The following ITGB4 variants were observed in gnomAD, a reference collection of about 807,000 sequenced individuals.
ITGB4 encodes the protein integrin subunit beta 4.
A neutral mutation model predicts 207.6 loss-of-function variants in ITGB4; 159 were observed. The observed-to-expected ratio is 0.77, with a 90% CI of 0.67 to 0.87. The LOEUF (loss-of-function observed/expected upper bound fraction) is 0.87. Among genes scored for constraint, ITGB4 ranks in the 40% least tolerant of loss-of-function variants. The pLI, the probability that ITGB4 is intolerant of heterozygous loss-of-function variation, is 0.00. For missense variants in ITGB4, 2,278 were observed against 2,546.8 expected (o/e 0.89, Z 2.27); for synonymous variants, 1,020 against 1,062.7 (o/e 0.96, Z 0.78).
Position 75,729,234 on chromosome 17 carries a change from G to C in ITGB4, c.567-31G>C. ...GGGGTCTGCGGCGTCTTCCCCCTGT[G>C]ACACTCTCTCTCCCTCCCACCTCTG... On this transcript the variant is annotated intron_variant, in intron 6 of 39. Transcript: ENST00000200181. This position sits in a 1 kb window ranked among gnomAD's most constrained non-coding sequence, Gnocchi z 4.4. 1 of 1,608,718 alleles carries C rather than the reference G, an allele frequency of 6.2e-7. No homozygotes were observed. Among genetic ancestry groups the C allele is most frequent in the Non-Finnish European group, 8.5e-7 (1 of 1,175,934 alleles).
At position 75,737,336 on chromosome 17, in the gene ITGB4, G is replaced by C; in HGVS notation, c.2005G>C (p.Val669Leu). 1 of 1,592,658 alleles carries C rather than the reference G, an allele frequency of 6.3e-7. No individual in the cohort carries two copies. ...TGTGGGTACAGCCGAGGAGGTGGTG[G>C]TGCGCTGCTCCTTCCGGGACGAGGA... ...DELKRAEEVV[V>L]RCSFRDEDDD... Residue 669 changes from valine to leucine, a missense_variant, in exon 17 of 40, where the codon GTG becomes CTG. Coordinates refer to ENST00000200181, the MANE Select transcript of ITGB4 (RefSeq NM_000213.5).
At chr17:75,754,035 G>A in intron 33 of ITGB4, 61 bp downstream of exon 33, 1 of 796,190 alleles carries the variant, frequency 1.3e-6, no homozygotes, top group Non-Finnish European at 1.7e-6. Context: ...GCGCCTGAGG[G>A]CCTGGGGTGG....
At chr17:75,730,648 T>G in intron 8 of ITGB4, 144 bp downstream of exon 8, 1 of 1,069,416 alleles carries the variant, frequency 9.4e-7, no homozygotes, top group Non-Finnish European at 1.3e-6. Context: ...CCTTCCTCCC[T>G]TCCCAAAGCC....
In ITGB4 at chr17:75,732,179, C is replaced by T. The variant is rs144917456; in HGVS notation, c.1394C>T (p.Ser465Leu). The change falls in exon 12 of 40, where the codon TCA (serine) becomes TTA (leucine). Residue 465 changes from serine (S) to leucine (L), a missense_variant. By Grantham distance (145) the Ser-to-Leu change is moderately radical. Transcript: ENST00000200181. This position sits in a 1 kb window ranked among gnomAD's most constrained non-coding sequence, Gnocchi z 5.3. ...TCATTCCAGCAAAAAGAGGTGCGGT[C>T]AGCTCGCTGCAGCTTCAACGGAGAC... Reference protein sequence around the residue: ...CTCELQKEVRSARCSFNGDFV... With the variant: ...CTCELQKEVRLARCSFNGDFV... 13 of 1,613,998 alleles carry T rather than the reference C, an allele frequency of 8.1e-6. No individual in the cohort carries two copies. The African/African-American group carries it at 1.7e-4, about 22-fold the overall frequency.
At chr17:75,724,806 C>G (rs1434113014) in intron 2 of ITGB4, 24 bp downstream of exon 2, 2 of 1,596,826 alleles carry the variant, frequency 1.3e-6, no homozygotes, top group Admixed American at 3.3e-5. Context: ...GCCCTGCAGC[C>G]CCCTCCTGGC....
At chr17:75,728,986 CAAAAAAA>C (rs933959785) in intron 6 of ITGB4, among the ~76,000 whole-genome samples, 51 of 45,214 alleles carry the variant, frequency 1.1e-3, no homozygotes, top group Non-Finnish European at 5.4e-4. Flanking sequence ...TCTGTCTCAA[CAAAAAAA>C]AAAAAAAAAA....
rs559353223 is a variant in ITGB4 at position 75,756,287 on chromosome 17, A to C, written c.4709-142A>C. On this transcript the variant is annotated intron_variant, in intron 35 of 39. Transcript: ENST00000200181. ...CAATCTGAACAACCAGCCATACCAT[A>C]CTGTACCCAACCTGTACCCAAACCA... 7.3e-6 allele frequency: 6 copies of C among 821,290 alleles called. No individual in the cohort carries two copies. The South Asian group carries it at 7.8e-5, about 11-fold the overall frequency. 50.9% of individuals were successfully genotyped at this position (821,290 alleles called of 1,614,324 possible). A position where few individuals can be genotyped will look rare whatever the true frequency, so the allele number is the denominator to read the frequency against.
intron 13 of ITGB4, among the ~76,000 whole-genome samples, chr17:75,734,125 C>CTTTTT: frequency 8.4e-6 from 1 of 118,394 alleles, no homozygotes; most frequent in African/African-American, 3.8e-5. Flanking sequence ...GTTGTTGCTG[C>CTTTTT]TGTTTTTTTT....
In ITGB4 at chr17:75,750,763, G is replaced by A. The variant is rs1444240385; in HGVS notation, c.3558G>A (p.Leu1186=). The A allele has an allele frequency of 1.2e-6, 2 of 1,613,564 alleles. No individual in the cohort carries two copies. Among genetic ancestry groups the A allele is most frequent in the Non-Finnish European group, 1.7e-6 (2 of 1,180,014 alleles). The change falls in exon 29 of 40, where the codon CTG becomes CTA. Residue 1186 remains leucine (L), a synonymous_variant. Transcript: ENST00000200181. This position sits in a 1 kb window ranked among gnomAD's most constrained non-coding sequence, Gnocchi z 5.5. The part of the protein sequence containing the change: ...SKVPSVELTN[L]YPYCDYEMKV... ...TGCCCTCAGTGGAGCTCACCAACCT[G>A]TACCCGTATTGCGACTATGAGATGA...
At position 75,727,584 on chromosome 17, in the gene ITGB4, CG is replaced by C; in HGVS notation, c.265-64del. On this transcript the variant is annotated intron_variant, in intron 4 of 39. Coordinates refer to ENST00000200181, the MANE Select transcript of ITGB4 (RefSeq NM_000213.5). The surrounding 1 kb of genome is among the most constrained non-coding windows in gnomAD (Gnocchi z 6.0). ...ATGGGGGTGTATAGTGCCCCTTGGC[CG>C]GGCTGGGCCCCCATCGGGCCTCCGG... 6.3e-7 allele frequency: 1 copy of C among 1,583,112 alleles called. No homozygotes were observed. Among genetic ancestry groups the C allele is most frequent in the Non-Finnish European group, 8.6e-7 (1 of 1,164,256 alleles).
intron 12 of ITGB4, among the ~76,000 whole-genome samples, chr17:75,733,203 A>G (rs1200036595): frequency 1.3e-5 from 2 of 152,124 alleles, no homozygotes; most frequent in East Asian, 3.9e-4. Flanking sequence ...CCTGGCTAAC[A>G]TGGTGAAACC....
In ITGB4 at chr17:75,731,882, A is replaced by G; in HGVS notation, c.1286A>G (p.Asp429Gly). The change falls in exon 11 of 40, where the codon GAC becomes GGC. Residue 429 changes from aspartate to glycine, a missense_variant. Coordinates refer to ENST00000200181, the MANE Select transcript of ITGB4 (RefSeq NM_000213.5). This position sits in a 1 kb window ranked among gnomAD's most constrained non-coding sequence, Gnocchi z 6.8. ...DGTHVCQLPE[D>G]QKGNIHLKPS... ...ACGCACGTGTGCCAGCTGCCGGAGG[A>G]CCAGAAGGGCAACATCCATCTGAAA... 1 of 1,613,924 alleles carries G rather than the reference A, an allele frequency of 6.2e-7. No individual in the cohort carries two copies. The highest frequency in any genetic ancestry group is 1.7e-4 in the Middle Eastern group (1 of 6,060).
intron 26 of ITGB4, among the ~76,000 whole-genome samples, chr17:75,747,551 CTTTATAGCGT>C (rs1338656693): frequency 6.6e-6 from 1 of 152,156 alleles, no homozygotes; most frequent in East Asian, 1.9e-4. Flanking sequence ...CAATAATGTC[CTTTATAGCGT>C]TTTTCCCCCC....
In ITGB4 at chr17:75,739,722, G is replaced by A. The variant is rs377696490; in HGVS notation, c.2254+17G>A. Reference sequence around the variant, plus strand: ...GCAACCGAGGTATGGGCCTGGCATCGCAGGGGCAGCAGGGGCTCTGACTGC... The same window carrying A: ...GCAACCGAGGTATGGGCCTGGCATCACAGGGGCAGCAGGGGCTCTGACTGC... On this transcript the variant is annotated intron_variant, in intron 19 of 39. Coordinates refer to ENST00000200181, the MANE Select transcript of ITGB4 (RefSeq NM_000213.5). The surrounding 1 kb of genome is among the most constrained non-coding windows in gnomAD (Gnocchi z 5.4). 28 of 1,613,974 alleles carry A rather than the reference G, an allele frequency of 1.7e-5. No homozygotes were observed. Among genetic ancestry groups the A allele is most frequent in the African/African-American group, 9.3e-5 (7 of 75,014 alleles).
rs2061342562 is a variant in ITGB4, at chr17:75,750,484, C to T, written c.3475-196C>T. 6.6e-6 allele frequency among the ~76,000 whole-genome samples: 1 copy of T among 152,262 alleles called. No individual in the cohort carries two copies. Among genetic ancestry groups the T allele is most frequent in the East Asian group, 1.9e-4 (1 of 5,174 alleles). On this transcript the variant is annotated intron_variant, in intron 28 of 39. Transcript: ENST00000200181. The surrounding 1 kb of genome is among the most constrained non-coding windows in gnomAD (Gnocchi z 5.5). ...TTTGCCCTCCTTCCTAGAATGGGGC[C>T]CCCTCCCACCCCCGCATGGGAGATA...
In ITGB4 at chr17:75,743,842, G is replaced by A; in HGVS notation, c.3092G>A (p.Gly1031Asp). The change falls in exon 26 of 40, where the codon GGC becomes GAC. Residue 1031 changes from glycine to aspartate, a missense_variant. Gly to Asp is a moderately conservative substitution (Grantham distance 94). Transcript: ENST00000200181. ...KSQVSYRTQD[G>D]TAQGNRDYIP... ...CAGGTCTCCTACCGCACACAGGATG[G>A]CACCGCGCAGGGCAACCGGGTGAGG... The A allele has an allele frequency of 6.3e-7, 1 of 1,598,318 alleles. No homozygotes were observed. Among genetic ancestry groups the A allele is most frequent in the Non-Finnish European group, 8.5e-7 (1 of 1,173,212 alleles).
In ITGB4 at chr17:75,754,576, A is replaced by G. The variant is rs1422415555; in HGVS notation, c.4319A>G (p.Glu1440Gly). The G allele has an allele frequency of 1.9e-6, 3 of 1,613,610 alleles. No homozygotes were observed. The South Asian group carries it at 3.3e-5, about 18-fold the overall frequency. The part of the protein sequence containing the change: ...PRSATPGPPG[E>G]HLVNGRMDFA... ...AAGGGACCCTGCTCTCCCCCTGCAGAGCACCTGGTGAATGGCCGGATGGAC... is the reference window on the plus strand; with the variant it reads ...AAGGGACCCTGCTCTCCCCCTGCAGGGCACCTGGTGAATGGCCGGATGGAC... The change falls in exon 34 of 40, where the codon GAG becomes GGG. Residue 1440 changes from glutamate to glycine, a missense_variant and splice_region_variant. Transcript: ENST00000200181.
chr17:75,756,430 T>C lies in ITGB4; in HGVS notation c.4710T>C (p.Gly1570=), dbSNP rs770320453. The C allele has an allele frequency of 5.0e-6, 8 of 1,612,928 alleles. No homozygotes were observed. Among genetic ancestry groups the C allele is most frequent in the Non-Finnish European group, 5.1e-6 (6 of 1,179,884 alleles). ...TGTGCCCCCACCTGATCCCCCCAGGTGAGCTGCATCGGCTCAACATCCCCA... is the reference window on the plus strand; with the variant it reads ...TGTGCCCCCACCTGATCCCCCCAGGCGAGCTGCATCGGCTCAACATCCCCA... ...YSVEYQLLNG[G]ELHRLNIPNP... The change falls in exon 36 of 40, where the codon GGT becomes GGC. Residue 1570 remains glycine, a splice_region_variant and synonymous_variant. Coordinates refer to ENST00000200181, the MANE Select transcript of ITGB4 (RefSeq NM_000213.5).
Position 75,731,375 on chromosome 17 carries a change from C to A in ITGB4, c.1215+7C>A. 6.2e-7 allele frequency: 1 copy of A among 1,609,294 alleles called. No homozygotes were observed. The highest frequency in any genetic ancestry group is 8.5e-7 in the Non-Finnish European group (1 of 1,177,416). ...CATCCGGCGGGGGGAAGTGGTACGC[C>A]TCTGTGGGGGCAGCGGGGTGGGGGA... On this transcript the variant is annotated splice_region_variant and intron_variant, in intron 10 of 39. Transcript: ENST00000200181. The surrounding 1 kb of genome is among the most constrained non-coding windows in gnomAD (Gnocchi z 6.8).
Sources: gnomAD v4.1 joint callset for allele counts (sites outside exome capture counted in the v4.1 genomes callset) on GRCh38, gnomAD v4.1.1 for gene constraint, Gnocchi (gnomAD v3.1) non-coding constraint, MANE v1.5 for transcripts, NCBI Gene and HGNC (gene_info 2026-07-23, HGNC 2026-07-21) for gene names.